SH3GL3: variants seen among roughly 807,000 people sequenced by gnomAD.
The protein encoded by SH3GL3 is endophilin-A3.
In SH3GL3, 33 loss-of-function variants were observed where a neutral mutation model predicts 47.7. The observed-to-expected ratio is 0.69, with a 90% CI of 0.52 to 0.92. SH3GL3 has a LOEUF of 0.92. Among genes scored for constraint, SH3GL3 ranks in the 40% least tolerant of loss-of-function variants. The probability of loss-of-function intolerance (pLI) is 0.00; values close to 1 mark genes in which losing one functional copy is unlikely to be tolerated. For missense variants in SH3GL3, 363 were observed against 417.8 expected, an observed-to-expected ratio of 0.87 and a Z score of 1.14; for synonymous variants, 155 against 148.8, an observed-to-expected ratio of 1.04 and a Z score of -0.30.
At chr15:83,554,663 C>T (rs1567332339) in intron 1 of SH3GL3, among the ~76,000 whole-genome samples, 1 of 152,240 alleles carries the variant, frequency 6.6e-6, no homozygotes, top group Non-Finnish European at 1.5e-5. Flanking sequence ...GCTGGGATTA[C>T]AGGCATGATC....
At chr15:83,508,982 G>A (rs2042633624) in intron 1 of SH3GL3, among the ~76,000 whole-genome samples, 1 of 152,228 alleles carries the variant, frequency 6.6e-6, no homozygotes, top group African/African-American at 2.4e-5. Flanking sequence ...AGAGGCGATT[G>A]TAACGCTCCT....
chr15:83,614,586 G>A (rs958092037), intron 8 of SH3GL3, among the ~76,000 whole-genome samples: 2 of 152,156 alleles, frequency 1.3e-5, no homozygotes, highest in African/African-American at 4.8e-5. Flanking sequence ...CCTGGACATA[G>A]GAAGGACCTG....
intron 2 of SH3GL3, among the ~76,000 whole-genome samples, chr15:83,563,610 C>A (rs1481194886): frequency 1.3e-5 from 2 of 151,862 alleles, no homozygotes; most frequent in African/African-American, 4.8e-5. Context: ...TTTTTCAAAT[C>A]TTTGTAGGCA....
At chr15:83,577,330 A>C (rs1386147826) in intron 6 of SH3GL3, among the ~76,000 whole-genome samples, 1 of 152,196 alleles carries the variant, frequency 6.6e-6, no homozygotes, top group Non-Finnish European at 1.5e-5. Context: ...CTTAGTTGTT[A>C]TGCAAGTTTC....
At chr15:83,512,645 C>G (rs1419972085) in intron 1 of SH3GL3, among the ~76,000 whole-genome samples, 1 of 152,126 alleles carries the variant, frequency 6.6e-6, no homozygotes, top group African/African-American at 2.4e-5. Context: ...AGCATCATCG[C>G]TCCCTAACCT....
intron 1 of SH3GL3, among the ~76,000 whole-genome samples, chr15:83,528,176 A>T (rs1437866674): frequency 6.6e-6 from 1 of 152,062 alleles, no homozygotes; most frequent in Non-Finnish European, 1.5e-5. Flanking sequence ...TATTAGTCTG[A>T]TGGGGGGCAG....
At chr15:83,553,226 C>T (rs911556032) in intron 1 of SH3GL3, among the ~76,000 whole-genome samples, 2 of 152,134 alleles carry the variant, frequency 1.3e-5, no homozygotes, top group African/African-American at 4.8e-5. Context: ...AAACAAAAAA[C>T]AAAGACAGGT....
chr15:83,531,996 C>A (rs1567308709), intron 1 of SH3GL3, among the ~76,000 whole-genome samples: 1 of 152,276 alleles, frequency 6.6e-6, no homozygotes. Flanking sequence ...TCAGCATGTA[C>A]AAGTTGCTGA....
rs906944451 is a variant in SH3GL3, at chr15:83,548,121, C to G, written c.46-11132C>G. Among the ~76,000 whole-genome samples the G allele has an allele frequency of 5.3e-5, 8 of 151,618 alleles. No homozygotes were observed. In the South Asian group the frequency reaches 1.7e-3, roughly 31 times the overall value. On this transcript the variant is annotated intron_variant, in intron 1 of 8. Coordinates refer to ENST00000427482, the MANE Select transcript of SH3GL3 (RefSeq NM_003027.5). ...TATCACTTCCAAGCAATAGAATAGA[C>G]CATACAACAAGAGTCTCACTTAACT...
chr15:83,490,936 TG>T (rs1438561286), intron 1 of SH3GL3: 2 of 1,613,724 alleles, frequency 1.2e-6, no homozygotes, highest in Admixed American at 3.3e-5. Context: ...GGGGAGTGGT[TG>T]GGGAAGAACA....
At chr15:83,613,341 T>G (rs2060721806) in intron 8 of SH3GL3, among the ~76,000 whole-genome samples, 1 of 152,094 alleles carries the variant, frequency 6.6e-6, no homozygotes, top group South Asian at 2.1e-4. Flanking sequence ...GCTGATGGAG[T>G]GTGATATGAG....
rs183560834 is a variant in SH3GL3, at chr15:83,482,253, A to G, written c.45+34675A>G. On this transcript the variant is annotated intron_variant, in intron 1 of 8. Transcript: ENST00000427482. The stretch of plus-strand genomic sequence containing the variant: ...ATTAATCCATCATCATATATCTTGT[A>G]ATGGTTTATTTAGCTGATCCTTTGT... 2.5e-3 allele frequency among the ~76,000 whole-genome samples: 373 copies of G among 152,216 alleles called. 3 individuals carry two copies. Among genetic ancestry groups the G allele is most frequent in the Non-Finnish European group, 2.5e-3 (167 of 68,008 alleles).
At chr15:83,479,542 C>G (rs1254270556) in intron 1 of SH3GL3, among the ~76,000 whole-genome samples, 2 of 152,184 alleles carry the variant, frequency 1.3e-5, no homozygotes, top group Admixed American at 1.3e-4. Flanking sequence ...GTTATCCCAG[C>G]AAAGGCAGGA....
At chr15:83,552,224 A>G (rs1404805819) in intron 1 of SH3GL3, among the ~76,000 whole-genome samples, 1 of 152,220 alleles carries the variant, frequency 6.6e-6, no homozygotes, top group Non-Finnish European at 1.5e-5. Context: ...TTCAGAAATT[A>G]GATTGAATGA....
At chr15:83,562,030 AACACACACACACACACACACACACAC>A (rs55856428) in intron 2 of SH3GL3, among the ~76,000 whole-genome samples, 6 of 132,980 alleles carry the variant, frequency 4.5e-5, no homozygotes, top group African/African-American at 1.4e-4. Flanking sequence ...ACACACACAC[AACACACACACACACACACACACACAC>A]ACACACACAC....
intron 1 of SH3GL3, among the ~76,000 whole-genome samples, chr15:83,498,782 C>G (rs1043608930): frequency 5.9e-5 from 9 of 152,206 alleles, no homozygotes; most frequent in African/African-American, 1.9e-4. Context: ...ATGGTCACCC[C>G]CTACTGAAAA....
rs142360966 is a variant in SH3GL3 at position 83,618,228 on chromosome 15, G to A, written c.985G>A (p.Gly329Arg). ...AAACTGGTATGAAGGAATGATACAC[G>A]GAGAATCGGGATTCTTCCCCATTAA... ...DENWYEGMIH[G>R]ESGFFPINYV... Residue 329 changes from glycine (G) to arginine (R), a missense_variant, in exon 9 of 9, where the codon GGA (glycine) becomes AGA (arginine). Physicochemically the swap from Gly to Arg is moderately radical, Grantham distance 125 (BLOSUM62 -2). Transcript: ENST00000427482. 7.4e-5 allele frequency: 119 copies of A among 1,611,862 alleles called. 3 individuals carry two copies. The Middle Eastern group carries it at 4.3e-3, about 58-fold the overall frequency.
chr15:83,619,426 G>T (rs539088434), downstream of SH3GL3, among the ~76,000 whole-genome samples: 10 of 152,246 alleles, frequency 6.6e-5, no homozygotes, highest in East Asian at 1.9e-3. Flanking sequence ...TGGGGGAGGG[G>T]AGGAGGGAGA....
chr15:83,463,255 C>T (rs1256565805), intron 1 of SH3GL3, among the ~76,000 whole-genome samples: 1 of 152,230 alleles, frequency 6.6e-6, no homozygotes, highest in Non-Finnish European at 1.5e-5. Flanking sequence ...TTCTTTAGAA[C>T]TGTAGCAATT....
Sources: gnomAD v4.1 joint callset for allele counts (sites outside exome capture counted in the v4.1 genomes callset) on GRCh38, gnomAD v4.1.1 for gene constraint, MANE v1.5 for transcripts, NCBI Gene and HGNC (gene_info 2026-07-23, HGNC 2026-07-21) for gene names.